VPS13D: variants seen among roughly 807,000 people sequenced by gnomAD.
VPS13D encodes intermembrane lipid transfer protein VPS13D.
In VPS13D, 187 loss-of-function variants were observed where a neutral mutation model predicts 461.9. That is an observed-to-expected ratio of 0.40 (90% CI 0.36 to 0.46). The LOEUF is 0.46. VPS13D is among the 20% of genes least tolerant of loss of function. The pLI, the probability that VPS13D is intolerant of heterozygous loss-of-function variation, is 0.60. For synonymous variants in VPS13D, 1,951 were observed against 1,986.3 expected (o/e 0.98, Z 0.47); for missense variants, 4,711 against 5,364.9 (o/e 0.88, Z 3.81).
intron 5 of VPS13D, among the ~76,000 whole-genome samples, chr1:12,248,019 C>G (rs1640616262): frequency 6.6e-6 from 1 of 151,886 alleles, no homozygotes; most frequent in Non-Finnish European, 1.5e-5. Flanking sequence ...TCCCAAGTAG[C>G]TGAGACTACA....
chr1:12,322,931 C>T (rs930665585), intron 34 of VPS13D, among the ~76,000 whole-genome samples, 185 bp downstream of exon 34: 1 of 152,162 alleles, frequency 6.6e-6, no homozygotes, highest in Non-Finnish European at 1.5e-5. Flanking sequence ...ACATCCCTAA[C>T]CAACTACTCC....
intron 68 of VPS13D, among the ~76,000 whole-genome samples, chr1:12,500,576 T>C (rs954172081): frequency 6.6e-6 from 1 of 152,148 alleles, no homozygotes; most frequent in Non-Finnish European, 1.5e-5. Flanking sequence ...GCTGCTCTAA[T>C]GTACTGCTTT....
rs1369029820 is a variant in VPS13D, at chr1:12,277,645, T to A, written c.4057T>A (p.Phe1353Ile). 6.2e-7 allele frequency: 1 copy of A among 1,614,088 alleles called. No homozygotes were observed. Among genetic ancestry groups the A allele is most frequent in the South Asian group, 1.1e-5 (1 of 91,076 alleles). ...AACTCCAAGGAAGACTCGGGAACCC[T>A]TTATCTTAGAGGAAAATGAAATATA... ...FETPRKTREPFILEENEIYGF... is the reference protein window; with the variant it reads ...FETPRKTREPIILEENEIYGF... The change falls in exon 19 of 70, where the codon TTT becomes ATT. Residue 1353 changes from phenylalanine (F) to isoleucine (I), a missense_variant. Physicochemically the swap from Phe to Ile is conservative, Grantham distance 21 (BLOSUM62 0). Coordinates refer to ENST00000620676, the MANE Select transcript of VPS13D (RefSeq NM_015378.4).
intron 60 of VPS13D, among the ~76,000 whole-genome samples, chr1:12,387,363 C>T (rs775148357): frequency 2.0e-5 from 3 of 152,170 alleles, no homozygotes; most frequent in Non-Finnish European, 4.4e-5. Context: ...AATTTAGCAC[C>T]CAACAAGGTA....
intron 13 of VPS13D, among the ~76,000 whole-genome samples, chr1:12,266,670 A>T (rs779180677): frequency 4.1e-4 from 63 of 152,206 alleles, no homozygotes; most frequent in Non-Finnish European, 8.5e-4. Flanking sequence ...CTTTATTGTG[A>T]TCCTCACTTT....
intron 67 of VPS13D, among the ~76,000 whole-genome samples, chr1:12,474,439 A>G (rs947250490): frequency 6.6e-6 from 1 of 152,134 alleles, no homozygotes; most frequent in Non-Finnish European, 1.5e-5. Flanking sequence ...GACTCCCACC[A>G]GGACAATCTC....
At chr1:12,383,468 TTAA>T (rs1644309827) in intron 58 of VPS13D, among the ~76,000 whole-genome samples, 2 of 152,196 alleles carry the variant, frequency 1.3e-5, no homozygotes, top group Non-Finnish European at 2.9e-5. Context: ...ACATAATATC[TTAA>T]TAACATTAAC....
intron 2 of VPS13D, among the ~76,000 whole-genome samples, chr1:12,234,972 A>G (rs994494101): frequency 1.3e-5 from 2 of 152,218 alleles, no homozygotes; most frequent in Non-Finnish European, 2.9e-5. Flanking sequence ...ACAGGCCTAG[A>G]CTTGGTAAAT....
At chr1:12,381,923 T>TTTCC (rs1644279891) in intron 57 of VPS13D, among the ~76,000 whole-genome samples, 1 of 33,914 alleles carries the variant, frequency 2.9e-5, no homozygotes, top group South Asian at 9.5e-4. Flanking sequence ...TTTCTTTTCT[T>TTTCC]TTCTTTCTTT....
At chr1:12,284,083 G>A (rs949402935) in intron 21 of VPS13D, among the ~76,000 whole-genome samples, 3 of 152,218 alleles carry the variant, frequency 2.0e-5, no homozygotes, top group South Asian at 4.1e-4. Flanking sequence ...AGCAAAGTGT[G>A]TAATCTGTAA....
chr1:12,507,875 C>G lies in VPS13D; in HGVS notation c.13035+782C>G, dbSNP rs148997332. 6.6e-3 allele frequency among the ~76,000 whole-genome samples: 1,002 copies of G among 152,388 alleles called. 7 individuals are homozygous for G. The highest frequency in any genetic ancestry group is 0.011 in the Admixed American group (162 of 15,314). The stretch of plus-strand genomic sequence containing the variant: ...TTGCCATGACACCCAGGTGTTAGTC[C>G]TGCTCATTCTCACCCGGCATACCCG... On this transcript the variant is annotated intron_variant, in intron 69 of 69. Transcript: ENST00000620676. This position sits in a 1 kb window ranked among gnomAD's most constrained non-coding sequence, Gnocchi z 5.3.
intron 68 of VPS13D, among the ~76,000 whole-genome samples, chr1:12,498,528 C>A (rs183285933): frequency 6.6e-6 from 1 of 152,064 alleles, no homozygotes; most frequent in Non-Finnish European, 1.5e-5. Flanking sequence ...TGTTGCTTGC[C>A]GGATAGAATG....
In VPS13D at chr1:12,335,657, C is replaced by T. The variant is rs370974697; in HGVS notation, c.8429-48C>T. The T allele has an allele frequency of 5.0e-4, 778 of 1,559,526 alleles. 15 individuals are homozygous for T. The South Asian group carries it at 8.5e-3, about 17-fold the overall frequency. On this transcript the variant is annotated intron_variant, in intron 38 of 69. Coordinates refer to ENST00000620676, the MANE Select transcript of VPS13D (RefSeq NM_015378.4). ...TGAATTGAAATTATTTGACTCGAAC[C>T]CTCCATCTTTTTTAGTTCTCTTAAT...
intron 54 of VPS13D, among the ~76,000 whole-genome samples, chr1:12,371,874 C>G (rs1644123123): frequency 6.6e-6 from 1 of 152,070 alleles, no homozygotes; most frequent in Admixed American, 6.6e-5. Flanking sequence ...GTTTTCAATT[C>G]TTTTGCTTTA....
intron 57 of VPS13D, among the ~76,000 whole-genome samples, chr1:12,381,926 C>CTTT (rs1365247728): frequency 2.1e-5 from 1 of 46,646 alleles, no homozygotes; most frequent in Non-Finnish European, 4.8e-5. Context: ...CTTTTCTTTT[C>CTTT]TTTCTTTCTT....
Position 12,277,187 on chromosome 1 carries a change from G to C in VPS13D, c.3599G>C (p.Gly1200Ala), listed in dbSNP as rs768331333. 6.2e-7 allele frequency: 1 copy of C among 1,614,204 alleles called. No individual in the cohort carries two copies. The highest frequency in any genetic ancestry group is 1.7e-5 in the Admixed American group (1 of 60,014). The change falls in exon 19 of 70, where the codon GGC (glycine) becomes GCC (alanine). Residue 1200 changes from glycine (G) to alanine (A), a missense_variant. Physicochemically the swap from Gly to Ala is moderately conservative, Grantham distance 60. Around this residue, in one of 3 missense-constraint regions of VPS13D, gnomAD observed 4,411 missense variants for 4,937.8 expected, o/e 0.89. Coordinates refer to ENST00000620676, the MANE Select transcript of VPS13D (RefSeq NM_015378.4). The stretch of plus-strand genomic sequence containing the variant: ...AAAATTGCAACTGCAAGTATAGGTG[G>C]CACCAAAGTTAATGTCTCAATGGGT... Reference protein sequence around the residue: ...GRKIATASIGGTKVNVSMGST... With the variant: ...GRKIATASIGATKVNVSMGST...
chr1:12,405,652 T>C (rs779762476), intron 63 of VPS13D, among the ~76,000 whole-genome samples: 5 of 152,212 alleles, frequency 3.3e-5, no homozygotes, highest in African/African-American at 4.8e-5. Flanking sequence ...AAGATACTTA[T>C]AGTTAGCATG....
At chr1:12,245,348 T>G (rs1222823316) in intron 5 of VPS13D, among the ~76,000 whole-genome samples, 3 of 152,208 alleles carry the variant, frequency 2.0e-5, no homozygotes, top group Non-Finnish European at 1.5e-5. Context: ...AGTCTGAGGT[T>G]TTTGATTTCG....
In VPS13D at chr1:12,509,357, G is replaced by A. The variant is rs182479372; in HGVS notation, c.*333G>A. The A allele has an allele frequency of 3.4e-5, 7 of 208,898 alleles. No individual in the cohort carries two copies. Among genetic ancestry groups the A allele is most frequent in the African/African-American group, 6.9e-5 (3 of 43,412 alleles). The allele number at this position is 208,898 out of a possible 1,614,324, so 12.9% of individuals were successfully genotyped here. ...CAACAGTGTGTTTGTAAATATATAG[G>A]AACGTTTCTGAACAGGGTCTGTGCT... On this transcript the variant is annotated 3_prime_UTR_variant, in exon 70 of 70. Coordinates refer to ENST00000620676, the MANE Select transcript of VPS13D (RefSeq NM_015378.4).
Sources: allele counts gnomAD v4.1 joint callset (sites outside exome capture counted in the v4.1 genomes callset), GRCh38; gene constraint gnomAD v4.1.1; regional missense constraint gnomAD v4.1.1; non-coding constraint Gnocchi (gnomAD v3.1); transcripts MANE v1.5; gene names NCBI Gene and HGNC (gene_info 2026-07-23, HGNC 2026-07-21).